Variants in PTPRJ observed in about 807,000 individuals in gnomAD.
PTPRJ encodes protein tyrosine phosphatase receptor type J, also known as receptor-type tyrosine-protein phosphatase eta.
In PTPRJ, 129 loss-of-function variants were observed where a neutral mutation model predicts 141.3. That is an observed-to-expected ratio of 0.91 (90% CI 0.79 to 1.06). PTPRJ has a LOEUF of 1.06. Among genes scored for constraint, PTPRJ ranks in the 50% least tolerant of loss-of-function variants. The pLI, the probability that PTPRJ is intolerant of heterozygous loss-of-function variation, is 0.00. For synonymous variants in PTPRJ, 610 were observed against 640.5 expected (o/e 0.95, Z 0.72); for missense variants, 1,601 against 1,679.7 (o/e 0.95, Z 0.82).
chr11:48,139,616 T>A lies in PTPRJ; in HGVS notation c.2283T>A (p.Asn761Lys). 6.2e-7 allele frequency: 1 copy of A among 1,614,244 alleles called. No homozygotes were observed. The highest frequency in any genetic ancestry group is 1.1e-5 in the South Asian group (1 of 91,090). Residue 761 changes from asparagine (N) to lysine (K), a missense_variant, in exon 11 of 25, where the codon AAT becomes AAA. Physicochemically the swap from Asn to Lys is moderately conservative, Grantham distance 94 (BLOSUM62 0). Coordinates refer to ENST00000418331, the MANE Select transcript of PTPRJ (RefSeq NM_002843.4). Reference sequence around the variant, plus strand: ...AGGTCAGCAGTGGAGCCTGGAACAATGCGACCCACCTGGAGAGCTGCTCCT... The same window carrying A: ...AGGTCAGCAGTGGAGCCTGGAACAAAGCGACCCACCTGGAGAGCTGCTCCT... ...ELEVSSGAWNNATHLESCSSE... is the reference protein window; with the variant it reads ...ELEVSSGAWNKATHLESCSSE...
chr11:48,120,011 G>C (rs1856665742), intron 3 of PTPRJ, among the ~76,000 whole-genome samples: 1 of 152,186 alleles, frequency 6.6e-6, no homozygotes, highest in Admixed American at 6.5e-5. Context: ...GTTCAGAGAG[G>C]TGAGATGACT....
intron 1 of PTPRJ, among the ~76,000 whole-genome samples, chr11:48,037,960 C>G (rs1293091650): frequency 1.3e-5 from 2 of 151,908 alleles, no homozygotes; most frequent in Non-Finnish European, 2.9e-5. Flanking sequence ...CTGTGCCTTT[C>G]TCTTTCCTCC....
intron 1 of PTPRJ, among the ~76,000 whole-genome samples, chr11:47,995,524 C>T (rs905765433): frequency 1.3e-5 from 2 of 152,204 alleles, no homozygotes; most frequent in African/African-American, 4.8e-5. Flanking sequence ...AGCCCTGATG[C>T]AGCAGGAGTG....
intron 22 of PTPRJ, 152 bp downstream of exon 22, chr11:48,160,201 A>T: frequency 2.8e-6 from 3 of 1,071,230 alleles, no homozygotes; most frequent in East Asian, 2.6e-5. Context: ...ATCCATATGC[A>T]TGTATACTCC....
At chr11:48,147,010 T>C (rs775328628) in intron 15 of PTPRJ, 47 bp downstream of exon 15, 1 of 1,525,308 alleles carries the variant, frequency 6.6e-7, no homozygotes, top group East Asian at 2.2e-5. Context: ...TTAAGGAAGC[T>C]TTCTATTAAG....
intron 1 of PTPRJ, among the ~76,000 whole-genome samples, chr11:48,098,902 A>T (rs1856084127): frequency 6.6e-6 from 1 of 152,236 alleles, no homozygotes; most frequent in African/African-American, 2.4e-5. Flanking sequence ...TCAGACAAGG[A>T]TTGAGACCCT....
intron 4 of PTPRJ, 23 bp from the exon 5 acceptor site, chr11:48,123,590 T>C (rs764233245): frequency 1.0e-4 from 168 of 1,606,970 alleles, no homozygotes; most frequent in Non-Finnish European, 1.4e-4. Context: ...GTTCCATTAA[T>C]GCATGTTGTA....
chr11:48,136,125 G>A lies in PTPRJ; in HGVS notation c.1702G>A (p.Glu568Lys), dbSNP rs372349691. Residue 568 changes from glutamate (E) to lysine (K), a missense_variant, in exon 9 of 25, where the codon GAG becomes AAG. Transcript: ENST00000418331. The stretch of plus-strand genomic sequence containing the variant: ...CTGGAAGAGCCCTGACGGTGCTTCC[G>A]AGTATGTCTACCATTTAGTCATAGA... ...LDWKSPDGAS[E>K]YVYHLVIESK... The A allele has an allele frequency of 1.9e-6, 3 of 1,614,062 alleles. No homozygotes were observed. The highest frequency in any genetic ancestry group is 2.7e-5 in the African/African-American group (2 of 74,904).
intron 3 of PTPRJ, among the ~76,000 whole-genome samples, chr11:48,116,438 G>C (rs1282024182): frequency 6.6e-6 from 1 of 152,176 alleles, no homozygotes; most frequent in Non-Finnish European, 1.5e-5. Flanking sequence ...AATATTAATG[G>C]ATCTGAATGG....
At chr11:48,060,657 G>A (rs989457744) in intron 1 of PTPRJ, among the ~76,000 whole-genome samples, 1 of 152,148 alleles carries the variant, frequency 6.6e-6, no homozygotes, top group African/African-American at 2.4e-5. Context: ...TCACCTCAAC[G>A]AATTTGTTAT....
intron 1 of PTPRJ, among the ~76,000 whole-genome samples, chr11:47,988,102 G>A (rs1224970052): frequency 6.6e-6 from 1 of 152,214 alleles, no homozygotes; most frequent in Admixed American, 6.5e-5. Flanking sequence ...GTGCCAGGGC[G>A]TAGCCCAGTG....
intron 1 of PTPRJ, among the ~76,000 whole-genome samples, chr11:48,018,112 G>C (rs1854996144): frequency 6.6e-6 from 1 of 151,342 alleles, no homozygotes. Flanking sequence ...GAAACTAAAA[G>C]TCATCCATAA....
chr11:48,077,768 C>G (rs1255781320), intron 1 of PTPRJ, among the ~76,000 whole-genome samples: 1 of 152,180 alleles, frequency 6.6e-6, no homozygotes, highest in African/African-American at 2.4e-5. Context: ...AGACCTGGTT[C>G]AAGGGTTAAA....
At chr11:48,007,263 G>A (rs532084833) in intron 1 of PTPRJ, among the ~76,000 whole-genome samples, 1 of 133,190 alleles carries the variant, frequency 7.5e-6, no homozygotes, top group Non-Finnish European at 1.5e-5. Context: ...ACCACGCCCG[G>A]CTAATTTTTT....
In PTPRJ at chr11:47,980,714, C is replaced by T; in HGVS notation, c.-199C>T. On this transcript the variant is annotated 5_prime_UTR_variant, in exon 1 of 25. Transcript: ENST00000418331. The stretch of plus-strand genomic sequence containing the variant: ...CCCCCCGCGGCAGCCGCGCTAGGCT[C>T]CGGCGTGTGGCCGCGGCCGCCGCCG... 4 of 998,692 alleles carry T rather than the reference C, an allele frequency of 4.0e-6. No individual in the cohort carries two copies. The highest frequency in any genetic ancestry group is 4.8e-6 in the Non-Finnish European group (4 of 840,432). 61.9% of individuals were successfully genotyped at this position (998,692 alleles called of 1,614,324 possible).
chr11:48,144,779 C>T lies in PTPRJ; in HGVS notation c.2680C>T (p.Arg894Cys), dbSNP rs774756017. 69 of 1,613,912 alleles carry T rather than the reference C, an allele frequency of 4.3e-5. No individual in the cohort carries two copies. The highest frequency in any genetic ancestry group is 1.8e-4 in the South Asian group (16 of 91,086). Residue 894 changes from arginine (R) to cysteine (C), a missense_variant, in exon 13 of 25, where the codon CGT becomes TGT. Arg to Cys is a radical substitution (Grantham distance 180, BLOSUM62 -3). Transcript: ENST00000418331. ...CCTCATAAGAACAGAAGAAAAGGGA[C>T]GTTCTCAGAGCTTGTCTGAAGTTTT... ...TYLIRTEEKG[R>C]SQSLSEVLKY... is the part of the protein sequence containing the mutation.
chr11:48,129,267 G>T (rs12577284), intron 7 of PTPRJ, among the ~76,000 whole-genome samples: 28,623 of 152,162 alleles, frequency 0.19, 2,927 homozygotes, highest in East Asian at 0.27. Context: ...AACAGAAATA[G>T]ACTTTCTCAT....
intron 14 of PTPRJ, 33 bp downstream of exon 14, chr11:48,145,157 C>A: frequency 1.2e-6 from 2 of 1,612,146 alleles, no homozygotes; most frequent in South Asian, 2.2e-5. Context: ...GGCACTGGTT[C>A]AGTGGCATTT....
intron 1 of PTPRJ, among the ~76,000 whole-genome samples, chr11:47,990,348 C>G (rs1331675716): frequency 6.6e-6 from 1 of 152,150 alleles, no homozygotes; most frequent in Non-Finnish European, 1.5e-5. Context: ...ATTCCATTTA[C>G]TGAAGAGTTA....
Sources: gnomAD v4.1 joint callset for allele counts (sites outside exome capture counted in the v4.1 genomes callset) on GRCh38, gnomAD v4.1.1 for gene constraint, MANE v1.5 for transcripts, NCBI Gene and HGNC (gene_info 2026-07-23, HGNC 2026-07-21) for gene names.